ARHGEF33: variants seen among roughly 807,000 people sequenced by gnomAD.
ARHGEF33 encodes Rho guanine nucleotide exchange factor 33, also known as DH and coiled-coil domain-containing protein ENSP00000381780.
Under a neutral mutation model 101.9 loss-of-function variants are expected in ARHGEF33, and 72 were observed. The ratio of observed to expected loss-of-function variants is 0.71; its 90% confidence interval spans 0.58 to 0.86. The LOEUF is 0.86. ARHGEF33 is among the 40% of genes least tolerant of loss of function. ARHGEF33 has a pLI of 0.00. For missense variants in ARHGEF33, 1,169 were observed against 1,111.3 expected (o/e 1.05, Z -0.74); for synonymous variants, 499 against 442.5 (o/e 1.13, Z -1.60).
intron 16 of ARHGEF33, among the ~76,000 whole-genome samples, chr2:38,961,433 A>C (rs1667937198): frequency 6.6e-6 from 1 of 152,126 alleles, no homozygotes; most frequent in Non-Finnish European, 1.5e-5. Context: ...AGGGCATTTA[A>C]AGAGGTCTTT....
At position 38,954,378 on chromosome 2, in the gene ARHGEF33, TGAA is replaced by T. The variant is rs1254333311; in HGVS notation, c.1146_1148del (p.Glu383del). The T allele has an allele frequency of 1.9e-6, 3 of 1,543,332 alleles. No individual in the cohort carries two copies. The highest frequency in any genetic ancestry group is 2.6e-6 in the Non-Finnish European group (3 of 1,139,532). ...TTGACCTTTCTTTCATTCAGGGTGA[TGAA>T]GAGATTAAATCTGACATCTACACGT... On this transcript the variant is annotated inframe_deletion, in exon 13 of 18. Transcript: ENST00000409978.
At chr2:38,950,449 T>TTTTATTTATTTATTTATTTA (rs1023182618) in intron 10 of ARHGEF33, among the ~76,000 whole-genome samples, 5 of 152,188 alleles carry the variant, frequency 3.3e-5, no homozygotes, top group Admixed American at 1.3e-4. Flanking sequence ...TTTATTTGTA[T>TTTTATTTATTTATTTATTTA]TTTATTTATT....
chr2:38,910,720 C>G (rs1443948637), intron 2 of ARHGEF33, among the ~76,000 whole-genome samples: 1 of 152,210 alleles, frequency 6.6e-6, no homozygotes. Context: ...CTCTCAATCT[C>G]TTTCTCTCAT....
intron 10 of ARHGEF33, among the ~76,000 whole-genome samples, chr2:38,949,566 A>G (rs1667541459): frequency 1.3e-5 from 2 of 152,186 alleles, no homozygotes. Context: ...AAAAAAGAAA[A>G]AAGGAGGTAC....
intron 4 of ARHGEF33, among the ~76,000 whole-genome samples, chr2:38,926,881 A>G (rs772350023): frequency 1.3e-5 from 2 of 152,060 alleles, no homozygotes; most frequent in Non-Finnish European, 2.9e-5. Context: ...CCTTCTTCCA[A>G]TTTTAAAACT....
At chr2:38,891,446 TC>T (rs1160528234) in intron 1 of ARHGEF33, among the ~76,000 whole-genome samples, 1 of 152,048 alleles carries the variant, frequency 6.6e-6, no homozygotes, top group Non-Finnish European at 1.5e-5. Flanking sequence ...CTTAACCTTT[TC>T]GGTGTCAAGA....
chr2:38,908,445 C>T (rs1287404279), intron 2 of ARHGEF33, among the ~76,000 whole-genome samples: 1 of 152,156 alleles, frequency 6.6e-6, no homozygotes, highest in Non-Finnish European at 1.5e-5. Flanking sequence ...CATTTTTAAA[C>T]TTAAAATATC....
chr2:38,971,819 G>A, intron 17 of ARHGEF33: 2 of 718,524 alleles, frequency 2.8e-6, no homozygotes, highest in Non-Finnish European at 2.6e-6. Context: ...AATTTAAGCT[G>A]AGTTTATGGA....
intron 17 of ARHGEF33, among the ~76,000 whole-genome samples, chr2:38,968,379 T>A (rs1329520408): frequency 2.0e-5 from 3 of 152,186 alleles, no homozygotes; most frequent in African/African-American, 7.2e-5. Flanking sequence ...TTTGACTTTG[T>A]TGTAGCTTGA....
At chr2:38,962,849 C>CAG (rs1553347211) in intron 16 of ARHGEF33, among the ~76,000 whole-genome samples, 1 of 56,132 alleles carries the variant, frequency 1.8e-5, no homozygotes, top group Non-Finnish European at 2.9e-5. Flanking sequence ...CCCGTCTCTA[C>CAG]AAAAAAAAAA....
At chr2:38,907,084 A>G (rs1446395916) in intron 2 of ARHGEF33, among the ~76,000 whole-genome samples, 1 of 152,166 alleles carries the variant, frequency 6.6e-6, no homozygotes, top group East Asian at 1.9e-4. Flanking sequence ...TGGTTGACAG[A>G]GAGCAGAGGG....
chr2:38,926,117 C>T (rs1367011836), intron 4 of ARHGEF33, among the ~76,000 whole-genome samples: 4 of 152,162 alleles, frequency 2.6e-5, no homozygotes, highest in Non-Finnish European at 4.4e-5. Flanking sequence ...TCTGTGGTAC[C>T]GTAGGCTTCG....
At chr2:38,950,497 G>A (rs1449774721) in intron 10 of ARHGEF33, among the ~76,000 whole-genome samples, 6 of 152,068 alleles carry the variant, frequency 3.9e-5, no homozygotes, top group Admixed American at 3.3e-4. Context: ...TGTTACCCAG[G>A]CTGGGGTGAA....
chr2:38,912,994 C>G (rs1469243543), intron 2 of ARHGEF33, among the ~76,000 whole-genome samples: 1 of 151,414 alleles, frequency 6.6e-6, no homozygotes, highest in Non-Finnish European at 1.5e-5. Context: ...TCCACCATTC[C>G]TTATATAGCA....
At chr2:38,949,379 CA>C (rs967993885) in intron 10 of ARHGEF33, among the ~76,000 whole-genome samples, 1 of 151,816 alleles carries the variant, frequency 6.6e-6, no homozygotes, top group Non-Finnish European at 1.5e-5. Context: ...TGCTGTAACC[CA>C]AAAAAACTCT....
intron 10 of ARHGEF33, among the ~76,000 whole-genome samples, chr2:38,948,852 G>C (rs1035265345): frequency 3.9e-5 from 6 of 152,092 alleles, no homozygotes; most frequent in African/African-American, 1.4e-4. Flanking sequence ...CAGGTTTATG[G>C]TCTTCTCCCA....
chr2:38,899,599 A>G (rs1666198598), intron 2 of ARHGEF33, among the ~76,000 whole-genome samples: 1 of 152,138 alleles, frequency 6.6e-6, no homozygotes, highest in African/African-American at 2.4e-5. Context: ...AAGGGTACAC[A>G]TTTCAGTAAG....
chr2:38,897,107 A>G (rs1666138988), intron 2 of ARHGEF33, among the ~76,000 whole-genome samples: 1 of 151,862 alleles, frequency 6.6e-6, no homozygotes, highest in South Asian at 2.1e-4. Context: ...GTAGAGATGG[A>G]GTTTCATCAT....
At position 38,916,944 on chromosome 2, in the gene ARHGEF33, G is replaced by A. The variant is rs569059972; in HGVS notation, c.-85-2419G>A. On this transcript the variant is annotated intron_variant, in intron 2 of 17. Transcript: ENST00000409978. ...GCCTCCTGAGTAGCTGGGATTACAG[G>A]CATGCGCCACCACGCCCGATTAATT... 3.9e-5 allele frequency among the ~76,000 whole-genome samples: 6 copies of A among 152,008 alleles called. No homozygotes were observed. The South Asian group carries it at 1.3e-3, about 32-fold the overall frequency.
Sources: gnomAD v4.1 joint callset for allele counts (sites outside exome capture counted in the v4.1 genomes callset) on GRCh38, gnomAD v4.1.1 for gene constraint, MANE v1.5 for transcripts, NCBI Gene and HGNC (gene_info 2026-07-23, HGNC 2026-07-21) for gene names.